The following TMEM108 variants were observed in gnomAD, a reference collection of about 807,000 sequenced individuals.
The protein encoded by TMEM108 is cancer/testis antigen 124.
A neutral mutation model predicts 35.1 loss-of-function variants in TMEM108; 12 were observed. That is an observed-to-expected ratio of 0.34 (90% CI 0.22 to 0.55). The LOEUF (loss-of-function observed/expected upper bound fraction) is 0.55, where lower values mean the gene tolerates loss of function less well. Ranked by LOEUF, TMEM108 falls within the 20% of genes least tolerant of loss-of-function variation. TMEM108 has a pLI of 0.89. For missense variants in TMEM108, 680 were observed against 753.3 expected (o/e 0.90, Z 1.14); for synonymous variants, 287 against 308.6 (o/e 0.93, Z 0.73).
At position 133,246,885 on chromosome 3, in the gene TMEM108, G is replaced by A. The variant is rs748303495; in HGVS notation, c.40+17534G>A. 2.6e-5 allele frequency: 4 copies of A among 152,322 alleles called. No individual in the cohort carries two copies. In the South Asian group the frequency reaches 6.2e-4, roughly 24 times the overall value. The allele number at this position is 152,322 out of a possible 1,614,324, so 9.4% of individuals were successfully genotyped here. A position where few individuals can be genotyped will look rare whatever the true frequency, so the allele number is the denominator to read the frequency against. Reference sequence around the variant, plus strand: ...TCCAAAGGAAATTGTTTCATGGTGTGTGCATCCCTTGGGAGAAGAACAAGG... The same window carrying A: ...TCCAAAGGAAATTGTTTCATGGTGTATGCATCCCTTGGGAGAAGAACAAGG... On this transcript the variant is annotated intron_variant, in intron 3 of 5. Transcript: ENST00000321871.
chr3:133,066,079 T>C (rs1943603005), intron 2 of TMEM108, among the ~76,000 whole-genome samples: 1 of 152,188 alleles, frequency 6.6e-6, no homozygotes, highest in South Asian at 2.1e-4. Flanking sequence ...CTTTACTATA[T>C]TTGGTGGCCC....
chr3:133,255,209 A>T (rs1200208528), intron 3 of TMEM108, among the ~76,000 whole-genome samples: 2 of 152,234 alleles, frequency 1.3e-5, no homozygotes, highest in Non-Finnish European at 2.9e-5. Flanking sequence ...CAAGGTTCTG[A>T]GAAGGCATTT....
chr3:133,138,350 C>T (rs886900925), intron 2 of TMEM108, among the ~76,000 whole-genome samples: 2 of 152,168 alleles, frequency 1.3e-5, no homozygotes, highest in African/African-American at 4.8e-5. Flanking sequence ...CTTTATAAGA[C>T]TTCACAGGAG....
At chr3:133,291,905 G>T (rs1947074793) in intron 3 of TMEM108, among the ~76,000 whole-genome samples, 1 of 152,026 alleles carries the variant, frequency 6.6e-6, no homozygotes, top group Admixed American at 6.6e-5. Flanking sequence ...AACATTCAGA[G>T]TTAATCCCAC....
intron 1 of TMEM108, chr3:133,041,978 T>C (rs1425771404): frequency 6.6e-6 from 1 of 152,232 alleles, no homozygotes; most frequent in African/African-American, 2.4e-5. Context: ...TCGTTTCTTC[T>C]AAAACTTGAA....
At chr3:133,207,957 T>C (rs1045651609) in intron 2 of TMEM108, among the ~76,000 whole-genome samples, 5 of 152,212 alleles carry the variant, frequency 3.3e-5, no homozygotes, top group Non-Finnish European at 7.3e-5. Flanking sequence ...CATGTTACAA[T>C]TGAAAGGGAC....
intron 3 of TMEM108, among the ~76,000 whole-genome samples, chr3:133,368,235 C>T (rs1321090356): frequency 1.3e-5 from 2 of 152,164 alleles, no homozygotes; most frequent in Admixed American, 6.5e-5. Context: ...TGCCTAGGTC[C>T]TTCATGAGGC....
chr3:133,144,730 CT>C (rs1166988612), intron 2 of TMEM108, among the ~76,000 whole-genome samples: 2 of 152,146 alleles, frequency 1.3e-5, no homozygotes, highest in African/African-American at 4.8e-5. Context: ...TGATGATGAG[CT>C]TTTTTTCATA....
chr3:133,097,341 A>G (rs1944027464), intron 2 of TMEM108, among the ~76,000 whole-genome samples: 1 of 152,222 alleles, frequency 6.6e-6, no homozygotes, highest in Non-Finnish European at 1.5e-5. Context: ...TGGTGATGAA[A>G]ACATAACTGC....
At chr3:133,039,305 T>A (rs1465500775) in intron 1 of TMEM108, among the ~76,000 whole-genome samples, 1 of 152,188 alleles carries the variant, frequency 6.6e-6, no homozygotes, top group Non-Finnish European at 1.5e-5. Context: ...CAGGTTTTTC[T>A]GGGGGTACCC....
intron 3 of TMEM108, among the ~76,000 whole-genome samples, chr3:133,278,008 T>C (rs16840167): frequency 0.015 from 2,282 of 152,326 alleles, 69 homozygotes; most frequent in African/African-American, 0.052. Context: ...CATTTCCTAG[T>C]GGCATAATCA....
chr3:133,198,421 C>T (rs1056007586), intron 2 of TMEM108, among the ~76,000 whole-genome samples: 4 of 152,158 alleles, frequency 2.6e-5, no homozygotes, highest in African/African-American at 9.7e-5. Context: ...TTTATAGGAT[C>T]AAGAGGATGG....
At chr3:133,165,663 G>A (rs1469470308) in intron 2 of TMEM108, among the ~76,000 whole-genome samples, 2 of 152,200 alleles carry the variant, frequency 1.3e-5, no homozygotes. Flanking sequence ...CTTGCAAGAT[G>A]ACCATCCCGC....
In TMEM108 at chr3:133,229,263, T is replaced by C. The variant is rs1376221044; in HGVS notation, c.-46-3T>C. Reference sequence around the variant, plus strand: ...TAACAATTTTCTTCTCCCAATTTCCTAGACAGAATCATGAATAAACTGGAG... The same window carrying C: ...TAACAATTTTCTTCTCCCAATTTCCCAGACAGAATCATGAATAAACTGGAG... On this transcript the variant is annotated splice_polypyrimidine_tract_variant and splice_region_variant and intron_variant, in intron 2 of 5. Transcript: ENST00000321871. 1.9e-6 allele frequency: 3 copies of C among 1,587,328 alleles called. No homozygotes were observed. In the East Asian group the frequency reaches 6.8e-5, roughly 36 times the overall value.
chr3:133,051,371 T>A (rs1559816550), intron 2 of TMEM108, among the ~76,000 whole-genome samples: 1 of 152,172 alleles, frequency 6.6e-6, no homozygotes, highest in Non-Finnish European at 1.5e-5. Flanking sequence ...GGTTGTTTTC[T>A]TACTGTCGAC....
chr3:133,178,992 G>A (rs770619642), intron 2 of TMEM108, among the ~76,000 whole-genome samples: 10,301 of 151,620 alleles, frequency 0.068, 376 homozygotes, highest in Non-Finnish European at 0.091. Flanking sequence ...AAAAGTGGGC[G>A]AAAGATATGA....
At chr3:133,127,349 G>T (rs1241615269) in intron 2 of TMEM108, among the ~76,000 whole-genome samples, 1 of 152,174 alleles carries the variant, frequency 6.6e-6, no homozygotes, top group South Asian at 2.1e-4. Flanking sequence ...TGCCATGTTG[G>T]ACAGCACAGA....
chr3:133,390,357 C>T (rs765746920), intron 5 of TMEM108, 23 bp downstream of exon 5: 16 of 1,612,152 alleles, frequency 9.9e-6, no homozygotes, highest in Admixed American at 1.7e-5. Context: ...AAAGTGCTGG[C>T]CCCACTGCAG....
intron 2 of TMEM108, among the ~76,000 whole-genome samples, chr3:133,203,220 C>T (rs1945698160): frequency 6.6e-6 from 1 of 152,204 alleles, no homozygotes; most frequent in African/African-American, 2.4e-5. Flanking sequence ...TCTAAATAGA[C>T]AATCATGTCA....
Sources: gnomAD v4.1 joint callset for allele counts (sites outside exome capture counted in the v4.1 genomes callset) on GRCh38, gnomAD v4.1.1 for gene constraint, MANE v1.5 for transcripts, NCBI Gene and HGNC (gene_info 2026-07-23, HGNC 2026-07-21) for gene names.